Variants in SLC39A10 observed in about 807,000 individuals in gnomAD.
SLC39A10 encodes solute carrier family 39 member 10.
Under a neutral mutation model 65.1 loss-of-function variants are expected in SLC39A10, and 13 were observed. The observed-to-expected ratio is 0.20, with a 90% CI of 0.13 to 0.32. SLC39A10 has a LOEUF of 0.32. Ranked by LOEUF, SLC39A10 falls within the 10% of genes least tolerant of loss-of-function variation. The pLI, the probability that SLC39A10 is intolerant of heterozygous loss-of-function variation, is 1.00. For missense variants in SLC39A10, 831 were observed against 1,018.4 expected (o/e 0.82, Z 2.50); for synonymous variants, 321 against 342.2 (o/e 0.94, Z 0.68).
chr2:195,649,660 G>A lies in SLC39A10; in HGVS notation c.-11-30372G>A, dbSNP rs529878945. Reference sequence around the variant, plus strand: ...TTGACAGTTTTCCTTAAATTGAAGTGTAATCACCCACAAATACTTTTGAAG... The same window carrying A: ...TTGACAGTTTTCCTTAAATTGAAGTATAATCACCCACAAATACTTTTGAAG... On this transcript the variant is annotated intron_variant, in intron 2 of 2. Coordinates refer to the SLC39A10 transcript ENST00000458054. Among the ~76,000 whole-genome samples the A allele has an allele frequency of 1.4e-4, 22 of 152,332 alleles. No individual in the cohort carries two copies. The South Asian group carries it at 3.1e-3, about 22-fold the overall frequency.
intron 9 of SLC39A10, among the ~76,000 whole-genome samples, chr2:195,733,057 C>G (rs557108690): frequency 6.6e-5 from 10 of 152,208 alleles, no homozygotes; most frequent in African/African-American, 2.2e-4. Flanking sequence ...TAAGAGATTG[C>G]TAAAATATAC....
At chr2:195,693,810 C>T (rs1264975968) in intron 3 of SLC39A10, among the ~76,000 whole-genome samples, 1 of 152,038 alleles carries the variant, frequency 6.6e-6, no homozygotes, top group Non-Finnish European at 1.5e-5. Context: ...TTTATTTCTA[C>T]TCTGATCTTT....
chr2:195,628,215 C>G (rs1574201144), intron 2 of SLC39A10, among the ~76,000 whole-genome samples: 3 of 152,290 alleles, frequency 2.0e-5, no homozygotes, highest in African/African-American at 7.2e-5. Context: ...ATTGTCTGTA[C>G]TTTGAACATA....
At position 195,683,734 on chromosome 2, in the gene SLC39A10, T is replaced by G. The variant is rs149143587; in HGVS notation, c.1044T>G (p.Gly348=). 19 of 1,613,184 alleles carry G rather than the reference T, an allele frequency of 1.2e-5. No individual in the cohort carries two copies. The highest frequency in any genetic ancestry group is 1.6e-5 in the Non-Finnish European group (19 of 1,179,492). The part of the protein sequence containing the change: ...LNVTQLLKYY[G]HGANSPISTD... ...TCACTCAGTTATTAAAATACTATGG[T>G]CATGGTGCCAACTCTCCCATCTCAA... Residue 348 remains glycine (G), a synonymous_variant, in exon 3 of 10, where the codon GGT becomes GGG. Coordinates refer to ENST00000359634, the MANE Select transcript of SLC39A10 (RefSeq NM_020342.3).
chr2:195,628,397 T>C (rs915275070), intron 2 of SLC39A10, among the ~76,000 whole-genome samples: 2 of 152,240 alleles, frequency 1.3e-5, no homozygotes, highest in Admixed American at 1.3e-4. Flanking sequence ...TATTAATGAT[T>C]GTTAAATTGC....
chr2:195,712,827 C>G, intron 5 of SLC39A10, among the ~76,000 whole-genome samples: 1 of 152,186 alleles, frequency 6.6e-6, no homozygotes. Context: ...AGAAAGGATG[C>G]TTGTCTTTAC....
chr2:195,706,492 C>G (rs1028196695), intron 3 of SLC39A10, 124 bp from the exon 4 acceptor site: 1 of 868,764 alleles, frequency 1.2e-6, no homozygotes, highest in African/African-American at 1.8e-5. Flanking sequence ...TGCCTTAAAG[C>G]TTTCATAATC....
chr2:195,724,093 A>C (rs1692147912), intron 8 of SLC39A10, among the ~76,000 whole-genome samples: 1 of 152,222 alleles, frequency 6.6e-6, no homozygotes, highest in African/African-American at 2.4e-5. Flanking sequence ...TTTATGTAGA[A>C]TTTTAACATG....
intron 3 of SLC39A10, among the ~76,000 whole-genome samples, chr2:195,692,151 G>A (rs769217304): frequency 2.0e-5 from 3 of 151,994 alleles, no homozygotes; most frequent in African/African-American, 7.2e-5. Context: ...TTGAAGATCT[G>A]TTGGCGTATT....
At chr2:195,651,778 T>C (rs1689037003), upstream of SLC39A10, among the ~76,000 whole-genome samples, 1 of 152,074 alleles carries the variant, frequency 6.6e-6, no homozygotes. Context: ...CATGGCCCCC[T>C]TTTCCAAATC....
At position 195,706,648 on chromosome 2, in the gene SLC39A10, A is replaced by C; in HGVS notation, c.1249A>C (p.Ile417Leu). 6.2e-7 allele frequency: 1 copy of C among 1,612,340 alleles called. No homozygotes were observed. Residue 417 changes from isoleucine (I) to leucine (L), a missense_variant, in exon 4 of 10, where the codon ATT becomes CTT. Around this residue, in one of 4 missense-constraint regions of SLC39A10, gnomAD observed 35 missense variants for 72.4 expected, o/e 0.48. Transcript: ENST00000359634. ...WICGIISITVISLLSLLGVIL... is the reference protein window; with the variant it reads ...WICGIISITVLSLLSLLGVIL... ...TTGTGGTATCATTTCTATCACTGTCATTAGCCTGCTTTCCTTGCTAGGCGT... is the reference window on the plus strand; with the variant it reads ...TTGTGGTATCATTTCTATCACTGTCCTTAGCCTGCTTTCCTTGCTAGGCGT...
chr2:195,714,267 G>GT (rs1691708002), intron 6 of SLC39A10, among the ~76,000 whole-genome samples: 1 of 152,092 alleles, frequency 6.6e-6, no homozygotes, highest in Middle Eastern at 3.2e-3. Context: ...TAGCTTGCTA[G>GT]TGTCTCCTCC....
chr2:195,641,685 CTTTTTTT>C (rs757617526), intron 2 of SLC39A10, among the ~76,000 whole-genome samples: 1 of 128,118 alleles, frequency 7.8e-6, no homozygotes. Context: ...TAGTATAGTT[CTTTTTTT>C]TTTTTTTTTT....
intron 9 of SLC39A10, among the ~76,000 whole-genome samples, chr2:195,729,961 A>ATTTTTTTTTTTTTTTT (rs58936616): frequency 2.2e-5 from 2 of 92,136 alleles, no homozygotes; most frequent in Non-Finnish European, 4.0e-5. Flanking sequence ...ACCATGCCTA[A>ATTTTTTTTTTTTTTTT]TTTTTTTTTT....
intron 3 of SLC39A10, among the ~76,000 whole-genome samples, chr2:195,690,377 AT>A (rs1559035827): frequency 6.6e-6 from 1 of 151,978 alleles, no homozygotes; most frequent in East Asian, 1.9e-4. Context: ...CCTGTTTTAA[AT>A]TCTTTTGGTT....
intron 1 of SLC39A10, among the ~76,000 whole-genome samples, chr2:195,672,708 G>C (rs541009509): frequency 3.3e-5 from 5 of 152,224 alleles, no homozygotes; most frequent in Non-Finnish European, 5.9e-5. Context: ...TTTGTGTTTC[G>C]TGGAGTCATT....
chr2:195,697,120 G>T (rs1690996194), intron 3 of SLC39A10, among the ~76,000 whole-genome samples: 1 of 152,116 alleles, frequency 6.6e-6, no homozygotes, highest in African/African-American at 2.4e-5. Context: ...GGTGGCCAAG[G>T]CAGAAAAATA....
chr2:195,720,473 G>A (rs1443889353), intron 8 of SLC39A10, among the ~76,000 whole-genome samples: 4 of 152,176 alleles, frequency 2.6e-5, no homozygotes, highest in Non-Finnish European at 4.4e-5. Flanking sequence ...ATATGCAAGG[G>A]ATTTCTTCAT....
chr2:195,625,328 T>A (rs1688449402), intron 2 of SLC39A10, among the ~76,000 whole-genome samples: 1 of 151,100 alleles, frequency 6.6e-6, no homozygotes, highest in Admixed American at 6.6e-5. Context: ...CAGGCTGGAG[T>A]GCAATGGCAC....
Sources: gnomAD v4.1 joint callset for allele counts (sites outside exome capture counted in the v4.1 genomes callset) on GRCh38, gnomAD v4.1.1 for gene constraint, gnomAD v4.1.1 regional missense constraint, MANE v1.5 for transcripts, NCBI Gene and HGNC (gene_info 2026-07-23, HGNC 2026-07-21) for gene names.